The following ADCY2 variants were observed in gnomAD, a reference collection of about 807,000 sequenced individuals.
ADCY2 encodes adenylate cyclase type 2.
Under a neutral mutation model 125.2 loss-of-function variants are expected in ADCY2, and 31 were observed. The observed-to-expected ratio is 0.25, with a 90% CI of 0.19 to 0.33. The LOEUF (loss-of-function observed/expected upper bound fraction) is 0.33, where lower values mean the gene tolerates loss of function less well. Among genes scored for constraint, ADCY2 ranks in the 10% least tolerant of loss-of-function variants. The pLI, the probability that ADCY2 is intolerant of heterozygous loss-of-function variation, is 1.00. For synonymous variants in ADCY2, 512 were observed against 548.4 expected, an observed-to-expected ratio of 0.93 and a Z score of 0.93; for missense variants, 904 against 1,418.2, an observed-to-expected ratio of 0.64 and a Z score of 5.82.
chr5:7,437,673 C>A (rs1740857605), intron 2 of ADCY2, among the ~76,000 whole-genome samples: 1 of 152,230 alleles, frequency 6.6e-6, no homozygotes, highest in African/African-American at 2.4e-5. Flanking sequence ...CCCAGAGTAT[C>A]TTTTCCTGAA....
At chr5:7,403,633 C>T (rs1739350075) in intron 1 of ADCY2, among the ~76,000 whole-genome samples, 1 of 152,128 alleles carries the variant, frequency 6.6e-6, no homozygotes. Flanking sequence ...TTCCATTCTA[C>T]TCTCTATCCT....
intron 24 of ADCY2, among the ~76,000 whole-genome samples, chr5:7,822,725 CAT>C (rs1745340184): frequency 1.9e-5 from 2 of 103,052 alleles, no homozygotes; most frequent in South Asian, 5.7e-4. Flanking sequence ...TGTGTACATG[CAT>C]GTGTGTGTGT....
chr5:7,520,637 GTCT>G, intron 2 of ADCY2, 98 bp from the exon 3 acceptor site: 1 of 1,298,972 alleles, frequency 7.7e-7, no homozygotes, highest in Non-Finnish European at 1.1e-6. Flanking sequence ...AAATGAGCAT[GTCT>G]CATGCTGTTC....
At chr5:7,668,616 A>T (rs114903278) in intron 4 of ADCY2, among the ~76,000 whole-genome samples, 6,008 of 152,306 alleles carry the variant, frequency 0.039, 398 homozygotes, top group African/African-American at 0.14. Context: ...TTTGTTTTTT[A>T]ATATAAATAT....
At chr5:7,481,326 G>A (rs556832720) in intron 2 of ADCY2, among the ~76,000 whole-genome samples, 16 of 152,288 alleles carry the variant, frequency 1.1e-4, no homozygotes, top group South Asian at 4.1e-4. Flanking sequence ...GAGTGCAGTG[G>A]CACGATCTCG....
intron 3 of ADCY2, among the ~76,000 whole-genome samples, chr5:7,609,335 GC>G (rs1262193197): frequency 6.6e-6 from 1 of 152,190 alleles, no homozygotes; most frequent in Admixed American, 6.5e-5. Context: ...TTTAATATAA[GC>G]CCATAAGGGC....
intron 2 of ADCY2, among the ~76,000 whole-genome samples, chr5:7,459,364 G>T (rs1040306985): frequency 6.6e-6 from 1 of 152,194 alleles, no homozygotes; most frequent in Non-Finnish European, 1.5e-5. Context: ...AGAACAGTCA[G>T]GGGTGTCTTG....
At chr5:7,731,253 AT>A (rs34190695) in intron 14 of ADCY2, among the ~76,000 whole-genome samples, 12,654 of 136,460 alleles carry the variant, frequency 0.093, 840 homozygotes, top group African/African-American at 0.21. Context: ...TTCCTTGCAG[AT>A]TTTTTTTTTT....
chr5:7,758,778 T>G (rs909117510), intron 16 of ADCY2, among the ~76,000 whole-genome samples: 4 of 151,956 alleles, frequency 2.6e-5, no homozygotes, highest in African/African-American at 9.7e-5. Context: ...AGGAGGAGTC[T>G]GCCACATGGG....
chr5:7,826,506 C>T, intron 24 of ADCY2: 1 of 685,568 alleles, frequency 1.5e-6, no homozygotes, highest in Non-Finnish European at 2.6e-6. Flanking sequence ...TAGGTTGTTT[C>T]CAGTTTTTCA....
At chr5:7,589,795 C>G (rs542248326) in intron 3 of ADCY2, among the ~76,000 whole-genome samples, 1 of 152,256 alleles carries the variant, frequency 6.6e-6, no homozygotes, top group African/African-American at 2.4e-5. Context: ...CACTCGGGAG[C>G]TCACAGCACT....
At chr5:7,476,432 G>A (rs1301931700) in intron 2 of ADCY2, among the ~76,000 whole-genome samples, 1 of 152,198 alleles carries the variant, frequency 6.6e-6, no homozygotes, top group Non-Finnish European at 1.5e-5. Context: ...AGTTGGCGAT[G>A]CCAGAGTGGT....
chr5:7,754,754 G>A (rs759360082), intron 15 of ADCY2, among the ~76,000 whole-genome samples: 1 of 151,926 alleles, frequency 6.6e-6, no homozygotes, highest in African/African-American at 2.4e-5. Context: ...CTACTCAGGA[G>A]GCTGAGACAG....
At chr5:7,809,339 A>G (rs1744861973) in intron 22 of ADCY2, among the ~76,000 whole-genome samples, 1 of 152,250 alleles carries the variant, frequency 6.6e-6, no homozygotes, top group Non-Finnish European at 1.5e-5. Flanking sequence ...AGTGCAATGA[A>G]TGTATTCTGA....
intron 2 of ADCY2, among the ~76,000 whole-genome samples, chr5:7,493,913 T>C (rs542628506): frequency 2.0e-5 from 3 of 151,870 alleles, no homozygotes; most frequent in African/African-American, 7.2e-5. Flanking sequence ...CTGGCTCAGG[T>C]CCATAAACCC....
chr5:7,821,774 G>A (rs762827601), intron 24 of ADCY2, among the ~76,000 whole-genome samples: 2 of 152,250 alleles, frequency 1.3e-5, no homozygotes, highest in Non-Finnish European at 2.9e-5. Flanking sequence ...TGGAACTGGA[G>A]ACAGTGTGTG....
intron 20 of ADCY2, 120 bp downstream of exon 20, chr5:7,789,920 A>T: frequency 1.3e-6 from 1 of 775,558 alleles, no homozygotes. Flanking sequence ...TGAGTGTTCA[A>T]ATTGGCCAAG....
Position 7,743,683 on chromosome 5 carries a change from C to T in ADCY2, c.1887C>T (p.Gly629=). 2 of 1,614,112 alleles carry T rather than the reference C, an allele frequency of 1.2e-6. No individual in the cohort carries two copies. The highest frequency in any genetic ancestry group is 1.7e-6 in the Non-Finnish European group (2 of 1,179,990). The change falls in exon 15 of 25, where the codon GGC becomes GGT. Residue 629 remains glycine (G), a synonymous_variant. Transcript: ENST00000338316. ...ILVLPKTSVL[G]ISFGAAFLLL... ...TTCCCGGTAGAACGTCCGTCCTGGG[C>T]ATCTCCTTTGGGGCTGCGTTTCTCT...
At chr5:7,578,364 A>G (rs1287414041) in intron 3 of ADCY2, among the ~76,000 whole-genome samples, 1 of 152,144 alleles carries the variant, frequency 6.6e-6, no homozygotes, top group African/African-American at 2.4e-5. Context: ...TTTATTGAGA[A>G]AGTTATATAA....
Sources: allele counts gnomAD v4.1 joint callset (sites outside exome capture counted in the v4.1 genomes callset), GRCh38; gene constraint gnomAD v4.1.1; transcripts MANE v1.5; gene names NCBI Gene and HGNC (gene_info 2026-07-23, HGNC 2026-07-21).